CASKIN1: variants seen among roughly 807,000 people sequenced by gnomAD.
The protein encoded by CASKIN1 is caskin-1.
Under a neutral mutation model 117.5 loss-of-function variants are expected in CASKIN1, and 42 were observed. The observed-to-expected ratio is 0.36, with a 90% CI of 0.28 to 0.46. The LOEUF (loss-of-function observed/expected upper bound fraction) is 0.46, where lower values mean the gene tolerates loss of function less well. CASKIN1 is among the 20% of genes least tolerant of loss of function. The probability of loss-of-function intolerance (pLI) is 1.00; values close to 1 mark genes in which losing one functional copy is unlikely to be tolerated. For synonymous variants in CASKIN1, 1,148 were observed against 961.7 expected, an observed-to-expected ratio of 1.19 and a Z score of -3.59; for missense variants, 2,083 against 2,077.3, an observed-to-expected ratio of 1.00 and a Z score of -0.05.
At chr16:2,190,387 G>T in intron 1 of CASKIN1, 29 bp from the exon 2 acceptor site, 1 of 1,557,660 alleles carries the variant, frequency 6.4e-7, no homozygotes. Context: ...TCAGTGAGGG[G>T]AGGCTGTGCC....
intron 1 of CASKIN1, among the ~76,000 whole-genome samples, chr16:2,192,893 A>T (rs1382694060): frequency 6.6e-6 from 1 of 152,174 alleles, no homozygotes; most frequent in Non-Finnish European, 1.5e-5. Context: ...TGCGGACTGG[A>T]TCGATCTCCT....
chr16:2,192,865 G>A (rs183718070), intron 1 of CASKIN1, among the ~76,000 whole-genome samples: 25 of 152,292 alleles, frequency 1.6e-4, no homozygotes, highest in Admixed American at 6.5e-4. Flanking sequence ...GGTGCCCCGC[G>A]CAGCTGAGGT....
In CASKIN1 at chr16:2,180,080, G is replaced by A; in HGVS notation, c.3288C>T (p.Gly1096=). The A allele has an allele frequency of 2.6e-6, 4 of 1,568,544 alleles. No individual in the cohort carries two copies. Among genetic ancestry groups the A allele is most frequent in the Non-Finnish European group, 3.5e-6 (4 of 1,158,002 alleles). The change falls in exon 18 of 20, where the codon GGC becomes GGT. Residue 1096 remains glycine (G), a synonymous_variant. Coordinates refer to ENST00000343516, the MANE Select transcript of CASKIN1 (RefSeq NM_020764.4). The part of the protein sequence containing the change: ...DPGPFVEDGT[G]RQRPRGPSKG... ...TGGAGGGACCCCGAGGCCGCTGCCG[G>A]CCAGTGCCATCCTCCACAAAGGGGC...
In CASKIN1 at chr16:2,185,007, G is replaced by T. The variant is rs923348222; in HGVS notation, c.1268C>A (p.Ser423Tyr). Residue 423 changes from serine (S) to tyrosine (Y), a missense_variant, in exon 13 of 20, where the codon TCC (serine) becomes TAC (tyrosine). Around this residue, in one of 3 missense-constraint regions of CASKIN1, gnomAD observed 1,818 missense variants for 1,688.9 expected, o/e 1.08. Transcript: ENST00000343516. Reference sequence around the variant, plus strand: ...GTCCCCCGGGCCGGACTCAGAGACGGACTTCTGGGAAAGCACCGTTGCCAG... The same window carrying T: ...GTCCCCCGGGCCGGACTCAGAGACGTACTTCTGGGAAAGCACCGTTGCCAG... Reference protein sequence around the residue: ...KLLATVLSQKSVSESGPGDSP... With the variant: ...KLLATVLSQKYVSESGPGDSP... 8 of 1,609,342 alleles carry T rather than the reference G, an allele frequency of 5.0e-6. No individual in the cohort carries two copies. Among genetic ancestry groups the T allele is most frequent in the Non-Finnish European group, 5.9e-6 (7 of 1,176,916 alleles).
chr16:2,188,853 C>T (rs1243786778), intron 6 of CASKIN1, 174 bp downstream of exon 6: 1 of 905,316 alleles, frequency 1.1e-6, no homozygotes, highest in African/African-American at 1.7e-5. Context: ...TTCCCAGCCC[C>T]TGCAGCTCAT....
chr16:2,183,645 C>T lies in CASKIN1; in HGVS notation c.1629+1G>A, dbSNP rs1302349794. 2 of 1,612,952 alleles carry T rather than the reference C, an allele frequency of 1.2e-6. No homozygotes were observed. Among genetic ancestry groups the T allele is most frequent in the Non-Finnish European group, 1.7e-6 (2 of 1,179,806 alleles). ...AGCCCCTGGGATGCAGGTGGCCTTACGGGTTTGTGCTCAGGCAGCCAGTCA... is the reference window on the plus strand; with the variant it reads ...AGCCCCTGGGATGCAGGTGGCCTTATGGGTTTGTGCTCAGGCAGCCAGTCA... On this transcript the variant is annotated splice_donor_variant, in intron 16 of 19. Coordinates refer to ENST00000343516, the MANE Select transcript of CASKIN1 (RefSeq NM_020764.4). LOFTEE classifies it high-confidence loss of function.
intron 1 of CASKIN1, among the ~76,000 whole-genome samples, chr16:2,193,009 G>A (rs1224256616): frequency 2.0e-5 from 3 of 152,168 alleles, no homozygotes; most frequent in Non-Finnish European, 4.4e-5. Context: ...TCGCCATCTC[G>A]AAATTCTTTT....
intron 10 of CASKIN1, 94 bp from the exon 11 acceptor site, chr16:2,185,502 G>T: frequency 1.9e-6 from 2 of 1,073,838 alleles, no homozygotes; most frequent in South Asian, 3.4e-5. Context: ...GCCACAGCCG[G>T]GGGTCCTCTC....
chr16:2,184,564 C>T (rs1257655588), intron 14 of CASKIN1, among the ~76,000 whole-genome samples: 4 of 152,190 alleles, frequency 2.6e-5, no homozygotes, highest in Non-Finnish European at 4.4e-5. Context: ...CACAGGTTGG[C>T]CCACACGCAC....
chr16:2,181,836 C>G lies in CASKIN1; in HGVS notation c.1723G>C (p.Asp575His). Residue 575 changes from aspartate (D) to histidine (H), a missense_variant, in exon 17 of 20, where the codon GAC (aspartate) becomes CAC (histidine). Transcript: ENST00000343516. ...NGYENIDFIT[D>H]ITWEDLQEIG... Reference sequence around the variant, plus strand: ...TCCTGCAGGTCCTCCCAGGTGATGTCGGTGATGAAATCAATGTTCTCGTAG... The same window carrying G: ...TCCTGCAGGTCCTCCCAGGTGATGTGGGTGATGAAATCAATGTTCTCGTAG... The G allele has an allele frequency of 3.7e-6, 6 of 1,613,688 alleles. No homozygotes were observed. The highest frequency in any genetic ancestry group is 4.2e-6 in the Non-Finnish European group (5 of 1,179,976).
Position 2,179,683 on chromosome 16 carries a change from T to C in CASKIN1, c.3685A>G (p.Lys1229Glu). ...RKPAKPPVSPKPVLTQPVPKL... is the reference protein window; with the variant it reads ...RKPAKPPVSPEPVLTQPVPKL... ...GGCACAGGCTGCGTCAGGACGGGCT[T>C]GGGAGAGACAGGCGGCTTGGCCGGC... Residue 1229 changes from lysine (K) to glutamate (E), a missense_variant, in exon 18 of 20, where the codon AAG becomes GAG. Coordinates refer to ENST00000343516, the MANE Select transcript of CASKIN1 (RefSeq NM_020764.4). The surrounding 1 kb of genome is among the most constrained non-coding windows in gnomAD (Gnocchi z 5.8). 1 of 1,523,976 alleles carries C rather than the reference T, an allele frequency of 6.6e-7. No homozygotes were observed. Among genetic ancestry groups the C allele is most frequent in the Non-Finnish European group, 8.8e-7 (1 of 1,142,134 alleles). The allele number at this position is 1,523,976 out of a possible 1,614,324, so 94.4% of individuals were successfully genotyped here.
At chr16:2,192,135 T>C (rs2093203026) in intron 1 of CASKIN1, among the ~76,000 whole-genome samples, 1 of 150,940 alleles carries the variant, frequency 6.6e-6, no homozygotes, top group African/African-American at 2.4e-5. Flanking sequence ...CTACAAAAAA[T>C]AAAGGAAAAA....
Position 2,196,296 on chromosome 16 carries a change from GC to G in CASKIN1, c.94+42del. 7 of 977,066 alleles carry G rather than the reference GC, an allele frequency of 7.2e-6. No homozygotes were observed. Among genetic ancestry groups the G allele is most frequent in the South Asian group, 8.9e-5 (2 of 22,578 alleles). 60.5% of individuals were successfully genotyped at this position (977,066 alleles called of 1,614,324 possible). A position where few individuals can be genotyped will look rare whatever the true frequency, so the allele number is the denominator to read the frequency against. ...GTGGGGGGCTCCGCGCCGGGGAGGGGCCCCCGGGGCTCCCACCCGCGCCCCG... is the reference window on the plus strand; with the variant it reads ...GTGGGGGGCTCCGCGCCGGGGAGGGGCCCCGGGGCTCCCACCCGCGCCCCG... On this transcript the variant is annotated intron_variant, in intron 1 of 19. Transcript: ENST00000343516. The surrounding 1 kb of genome is among the most constrained non-coding windows in gnomAD (Gnocchi z 5.7).
chr16:2,188,773 G>A, intron 6 of CASKIN1: 3 of 490,144 alleles, frequency 6.1e-6, no homozygotes, highest in East Asian at 7.0e-5. Context: ...TGAGGCTCAG[G>A]GAAGTTCAGC....
chr16:2,181,090 G>A lies in CASKIN1; in HGVS notation c.2278C>T (p.Pro760Ser), dbSNP rs777217020. The change falls in exon 18 of 20, where the codon CCT (proline) becomes TCT (serine). Residue 760 changes from proline (P) to serine (S), a missense_variant. Physicochemically the swap from Pro to Ser is moderately conservative, Grantham distance 74 (BLOSUM62 -1). Around this residue, in one of 3 missense-constraint regions of CASKIN1, gnomAD observed 1,818 missense variants for 1,688.9 expected, o/e 1.08. Transcript: ENST00000343516. The stretch of plus-strand genomic sequence containing the variant: ...GGGAGGACCTGCCGTGGCTTGCCAG[G>A]CACGGGGGGCACGCTGGCCCTCTTG... ...SIKRASVPPV[P>S]GKPRQVLPPG... 5.4e-6 allele frequency: 8 copies of A among 1,479,198 alleles called. No individual in the cohort carries two copies. The East Asian group carries it at 1.7e-4, about 31-fold the overall frequency. 91.6% of individuals were successfully genotyped at this position (1,479,198 alleles called of 1,614,324 possible).
At position 2,196,039 on chromosome 16, in the gene CASKIN1, T is replaced by C. The variant is rs1465714231; in HGVS notation, c.94+300A>G. ...GACCTCCAGCTGTCAGCCCGCAGCC[T>C]GGGAAGGGAGGGGGACAGAGGTAGA... On this transcript the variant is annotated intron_variant, in intron 1 of 19. Transcript: ENST00000343516. This position sits in a 1 kb window ranked among gnomAD's most constrained non-coding sequence, Gnocchi z 5.7. Among the ~76,000 whole-genome samples, 2 of 150,918 alleles carry C rather than the reference T, an allele frequency of 1.3e-5. No individual in the cohort carries two copies. The highest frequency in any genetic ancestry group is 3.0e-5 in the Non-Finnish European group (2 of 67,656).
intron 1 of CASKIN1, among the ~76,000 whole-genome samples, chr16:2,194,221 C>T: frequency 6.6e-6 from 1 of 152,112 alleles, no homozygotes; most frequent in Non-Finnish European, 1.5e-5. Context: ...CTTGGGCCTG[C>T]CTCCATGGAC....
rs2141313449 is a variant in CASKIN1, at chr16:2,181,139, C to T, written c.2229G>A (p.Arg743=). ...TGATGCTGTGGCCGTGGCGGCCGGG[C>T]CGGGCCTCCCTGGGCGGGGTGCCGG... ...PAPGTPPREA[R]PGRHGHSIKR... Residue 743 remains arginine, a synonymous_variant, in exon 18 of 20, where the codon CGG becomes CGA. Transcript: ENST00000343516. 1.3e-6 allele frequency: 2 copies of T among 1,482,338 alleles called. No individual in the cohort carries two copies. The highest frequency in any genetic ancestry group is 1.8e-6 in the Non-Finnish European group (2 of 1,126,248). The allele number at this position is 1,482,338 out of a possible 1,614,324, so 91.8% of individuals were successfully genotyped here.
At position 2,180,021 on chromosome 16, in the gene CASKIN1, G is replaced by C. The variant is rs777108241; in HGVS notation, c.3347C>G (p.Ala1116Gly). The C allele has an allele frequency of 6.3e-7, 1 of 1,593,724 alleles. No homozygotes were observed. Among genetic ancestry groups the C allele is most frequent in the Non-Finnish European group, 8.5e-7 (1 of 1,170,032 alleles). ...GAGTGTGGCGCTGGCTTCCACCTTG[G>C]CCAAGGGCGGGCCTTCGACACCCGC... Reference protein sequence around the residue: ...GEAGVEGPPLAKVEASATLKR... With the variant: ...GEAGVEGPPLGKVEASATLKR... The change falls in exon 18 of 20, where the codon GCC becomes GGC. Residue 1116 changes from alanine (A) to glycine (G), a missense_variant. By Grantham distance (60) the Ala-to-Gly change is moderately conservative. This residue lies in a region of CASKIN1 where 1,818 missense variants were observed against 1,688.9 expected (regional missense o/e 1.08). Transcript: ENST00000343516.
Sources: gnomAD v4.1 joint callset for allele counts (sites outside exome capture counted in the v4.1 genomes callset) on GRCh38, gnomAD v4.1.1 for gene constraint, gnomAD v4.1.1 regional missense constraint, Gnocchi (gnomAD v3.1) non-coding constraint, MANE v1.5 for transcripts, NCBI Gene and HGNC (gene_info 2026-07-23, HGNC 2026-07-21) for gene names.